The following SLC12A8 variants were observed in gnomAD, a reference collection of about 807,000 sequenced individuals.
SLC12A8 encodes the protein cation-chloride cotransporter 9.
SLC12A8 carries 69 observed loss-of-function variants against 75.6 expected under a neutral mutation model. The ratio of observed to expected loss-of-function variants is 0.91; its 90% CI spans 0.75 to 1.11. The LOEUF (loss-of-function observed/expected upper bound fraction) is 1.11. Ranked by LOEUF, SLC12A8 falls within the 50% of genes most tolerant of loss-of-function variation. The pLI is 0.00. For synonymous variants in SLC12A8, 365 were observed against 372.8 expected, an observed-to-expected ratio of 0.98 and a Z score of 0.24; for missense variants, 877 against 896.7, an observed-to-expected ratio of 0.98 and a Z score of 0.28.
chr3:125,113,766 G>A (rs758542105), intron 8 of SLC12A8, among the ~76,000 whole-genome samples: 6 of 152,122 alleles, frequency 3.9e-5, no homozygotes, highest in African/African-American at 1.4e-4. Context: ...TACATGGGGT[G>A]TGAGCTACCC....
chr3:125,166,451 T>G (rs1934291740), intron 5 of SLC12A8, among the ~76,000 whole-genome samples: 1 of 152,248 alleles, frequency 6.6e-6, no homozygotes, highest in South Asian at 2.1e-4. Context: ...ACAAGAGCAA[T>G]CTTTCTAAAA....
At chr3:125,114,752 T>C (rs2107746913) in intron 8 of SLC12A8, among the ~76,000 whole-genome samples, 1 of 152,330 alleles carries the variant, frequency 6.6e-6, no homozygotes, top group East Asian at 1.9e-4. Context: ...ACTTTTGGGA[T>C]ATTTTTCCTT....
rs538742677 is a variant in SLC12A8 at position 125,196,006 on chromosome 3, G to A, written c.52-5485C>T. 2.0e-5 allele frequency among the ~76,000 whole-genome samples: 3 copies of A among 152,314 alleles called. No individual in the cohort carries two copies. In the East Asian group the frequency reaches 5.8e-4, roughly 29 times the overall value. On this transcript the variant is annotated intron_variant, in intron 2 of 13. Coordinates refer to ENST00000469902, the MANE Select transcript of SLC12A8 (RefSeq NM_024628.6). Reference sequence around the variant, plus strand: ...CCTCCCCCTAATAACAGGCGAACCAGTGAAACATCAGCTGCAAAAAGGTTA... The same window carrying A: ...CCTCCCCCTAATAACAGGCGAACCAATGAAACATCAGCTGCAAAAAGGTTA...
At chr3:125,146,680 C>T (rs1309868843) in intron 5 of SLC12A8, among the ~76,000 whole-genome samples, 1 of 152,230 alleles carries the variant, frequency 6.6e-6, no homozygotes. Context: ...TAGTTGTGGC[C>T]TCCCTCGGAG....
chr3:125,138,845 A>AAC (rs3061221), intron 5 of SLC12A8, among the ~76,000 whole-genome samples: 20,415 of 137,508 alleles, frequency 0.15, 1,489 homozygotes, highest in Non-Finnish European at 0.16. Context: ...CCTTCTACAA[A>AAC]ACACACACAC....
At chr3:125,112,520 C>G (rs1038531946) in intron 8 of SLC12A8, among the ~76,000 whole-genome samples, 3 of 152,200 alleles carry the variant, frequency 2.0e-5, no homozygotes, top group Non-Finnish European at 4.4e-5. Context: ...CCCAGCACCT[C>G]ATGCAGAATC....
intron 5 of SLC12A8, among the ~76,000 whole-genome samples, chr3:125,176,586 G>A (rs1037290984): frequency 1.3e-5 from 2 of 152,020 alleles, no homozygotes; most frequent in Admixed American, 6.6e-5. Context: ...CTGACAAAGG[G>A]CTAATATCCA....
At chr3:125,191,297 TC>T (rs1300318089) in intron 2 of SLC12A8, among the ~76,000 whole-genome samples, 2 of 152,204 alleles carry the variant, frequency 1.3e-5, no homozygotes, top group Non-Finnish European at 2.9e-5. Context: ...TTATAAACAC[TC>T]AAATGGAAAC....
rs752512030 is a variant in SLC12A8, at chr3:125,095,770, G to A, written c.1706-3572C>T. On this transcript the variant is annotated intron_variant, in intron 10 of 13. Transcript: ENST00000469902. ...AAATGGCAGGAGCCTGGATCCCTGAGTGGATGCATGGAAGAGAGCCTCCCA... is the reference window on the plus strand; with the variant it reads ...AAATGGCAGGAGCCTGGATCCCTGAATGGATGCATGGAAGAGAGCCTCCCA... Among the ~76,000 whole-genome samples the A allele has an allele frequency of 1.2e-4, 18 of 152,226 alleles. 1 individual carries two copies. The highest frequency in any genetic ancestry group is 4.1e-4 in the South Asian group (2 of 4,826).
At chr3:125,212,071 G>A (rs1284883770) in intron 1 of SLC12A8, among the ~76,000 whole-genome samples, 2 of 152,080 alleles carry the variant, frequency 1.3e-5, no homozygotes, top group African/African-American at 4.8e-5. Flanking sequence ...GGTAGACGGG[G>A]CTCAGGACCC....
At chr3:125,207,863 G>A (rs1318400438) in intron 2 of SLC12A8, among the ~76,000 whole-genome samples, 2 of 152,156 alleles carry the variant, frequency 1.3e-5, no homozygotes, top group Admixed American at 6.5e-5. Flanking sequence ...GTGTGCGATC[G>A]GCTTCATCCA....
chr3:125,106,184 T>C (rs1457154714), intron 10 of SLC12A8, among the ~76,000 whole-genome samples: 12 of 152,194 alleles, frequency 7.9e-5, no homozygotes, highest in African/African-American at 2.2e-4. Flanking sequence ...TAGGAACTAC[T>C]GTTTCTGGTT....
chr3:125,203,578 A>G (rs1935171560), intron 2 of SLC12A8, among the ~76,000 whole-genome samples: 1 of 152,224 alleles, frequency 6.6e-6, no homozygotes, highest in South Asian at 2.1e-4. Flanking sequence ...CAACCTATAC[A>G]AAAAGCAACA....
rs567281553 is a variant in SLC12A8, at chr3:125,083,977, G to A, written c.2058C>T (p.Leu686=). The A allele has an allele frequency of 3.7e-6, 6 of 1,613,672 alleles. No individual in the cohort carries two copies. In the South Asian group the frequency reaches 6.6e-5, roughly 18 times the overall value. ...TGGCGAAGTCTGCATTCTCCTGGGT[G>A]AGCTGAGTCATCTCCATGTCAACCT... ...LAKVDMEMTQ[L]TQENADFATR... is the part of the protein sequence containing the mutation. The change falls in exon 14 of 14, where the codon CTC becomes CTT. Residue 686 remains leucine (L), a synonymous_variant. Coordinates refer to ENST00000469902, the MANE Select transcript of SLC12A8 (RefSeq NM_024628.6).
rs537829751 is a variant in SLC12A8 at position 125,098,741 on chromosome 3, C to G, written c.1706-6543G>C. 3.3e-5 allele frequency among the ~76,000 whole-genome samples: 5 copies of G among 152,276 alleles called. No individual in the cohort carries two copies. In the South Asian group the frequency reaches 1.0e-3, roughly 32 times the overall value. On this transcript the variant is annotated intron_variant, in intron 10 of 13. Transcript: ENST00000469902. ...ACATGAAAGCCTGTAGCCTTCTTGCCTAAGCTGCTCCCATTAAGCATGAAG... is the reference window on the plus strand; with the variant it reads ...ACATGAAAGCCTGTAGCCTTCTTGCGTAAGCTGCTCCCATTAAGCATGAAG...
At chr3:125,146,174 C>A (rs1044947158) in intron 5 of SLC12A8, among the ~76,000 whole-genome samples, 2 of 152,128 alleles carry the variant, frequency 1.3e-5, no homozygotes, top group Admixed American at 6.6e-5. Flanking sequence ...ATTTTTGGAC[C>A]ACTGTTGACC....
intron 6 of SLC12A8, among the ~76,000 whole-genome samples, chr3:125,133,379 A>ACAC (rs755281462): frequency 1.9e-5 from 1 of 52,334 alleles, no homozygotes. Flanking sequence ...ACACACACAC[A>ACAC]ATTTTTTTTT....
chr3:125,109,883 T>C (rs922193276), intron 9 of SLC12A8, among the ~76,000 whole-genome samples: 1 of 152,168 alleles, frequency 6.6e-6, no homozygotes, highest in African/African-American at 2.4e-5. Flanking sequence ...CATTAAAGGA[T>C]GGGGCACTGC....
rs140519567 is a variant in SLC12A8, at chr3:125,188,849, C to G, written c.199-1421G>C. Reference sequence around the variant, plus strand: ...AGACCCACCCTGGCTGTGGCTAAGGCCGAAACCTGAGCTGAGGATCTGAGT... The same window carrying G: ...AGACCCACCCTGGCTGTGGCTAAGGGCGAAACCTGAGCTGAGGATCTGAGT... On this transcript the variant is annotated intron_variant, in intron 3 of 13. Transcript: ENST00000469902. Among the ~76,000 whole-genome samples, 792 of 152,292 alleles carry G rather than the reference C, an allele frequency of 5.2e-3. 10 individuals carry two copies. Among genetic ancestry groups the G allele is most frequent in the African/African-American group, 0.018 (742 of 41,562 alleles).
Sources: gnomAD v4.1 joint callset for allele counts (sites outside exome capture counted in the v4.1 genomes callset) on GRCh38, gnomAD v4.1.1 for gene constraint, MANE v1.5 for transcripts, NCBI Gene and HGNC (gene_info 2026-07-23, HGNC 2026-07-21) for gene names.